RANBP2: variants seen among roughly 807,000 people sequenced by gnomAD.
RANBP2 encodes E3 SUMO-protein ligase RanBP2.
RANBP2 carries 57 observed loss-of-function variants against 303.6 expected under a neutral mutation model. The ratio of observed to expected loss-of-function variants is 0.19; its 90% confidence interval spans 0.15 to 0.23. The LOEUF (loss-of-function observed/expected upper bound fraction) is 0.23, where lower values mean the gene tolerates loss of function less well. Among genes scored for constraint, RANBP2 ranks in the 10% least tolerant of loss-of-function variants. The probability of loss-of-function intolerance (pLI) is 1.00; values close to 1 mark genes in which losing one functional copy is unlikely to be tolerated. For missense variants in RANBP2, 3,138 were observed against 3,780.8 expected, an observed-to-expected ratio of 0.83 and a Z score of 4.46; for synonymous variants, 1,167 against 1,301.5, an observed-to-expected ratio of 0.90 and a Z score of 2.23.
At chr2:109,398,872 A>AGCTCC in the RANBP2 span, 2 of 1,613,830 alleles carry the variant, frequency 1.2e-6, no homozygotes, top group Non-Finnish European at 1.7e-6. Context: ...AGTGTTGATC[A>AGCTCC]GCTCCAGCGA....
the RANBP2 span, among the ~76,000 whole-genome samples, chr2:109,591,537 G>T: frequency 6.6e-6 from 1 of 152,166 alleles, no homozygotes; most frequent in African/African-American, 2.4e-5. Context: ...TTGATATATG[G>T]AGAAAGAGGG....
the RANBP2 span, among the ~76,000 whole-genome samples, chr2:109,497,354 C>G: frequency 1.3e-5 from 2 of 152,210 alleles, no homozygotes; most frequent in African/African-American, 4.8e-5. Flanking sequence ...ACTTTGCAGA[C>G]TCTGTTGTCA....
chr2:109,312,031 T>G, the RANBP2 span, among the ~76,000 whole-genome samples: 1 of 151,982 alleles, frequency 6.6e-6, no homozygotes, highest in African/African-American at 2.4e-5. Flanking sequence ...ACTTGAGCGT[T>G]GTGGCCGGTG....
At chr2:109,417,352 C>G in the RANBP2 span, among the ~76,000 whole-genome samples, 1 of 152,168 alleles carries the variant, frequency 6.6e-6, no homozygotes, top group East Asian at 1.9e-4. Flanking sequence ...GGAAAGTGAT[C>G]CTGGCATTGT....
chr2:109,214,082 G>A, the RANBP2 span, among the ~76,000 whole-genome samples: 2 of 152,188 alleles, frequency 1.3e-5, no homozygotes, highest in African/African-American at 4.8e-5. Flanking sequence ...ACTGGACGGC[G>A]AGGAGGAAGG....
At chr2:108,815,181 A>G in the RANBP2 span, among the ~76,000 whole-genome samples, 2 of 152,114 alleles carry the variant, frequency 1.3e-5, no homozygotes, top group Non-Finnish European at 2.9e-5. Context: ...CAAAGTAACA[A>G]TTTTTGTGAG....
the RANBP2 span, among the ~76,000 whole-genome samples, chr2:109,084,823 A>G: frequency 6.6e-6 from 1 of 152,210 alleles, no homozygotes; most frequent in African/African-American, 2.4e-5. Flanking sequence ...TTTTCCATCA[A>G]GGAGCATGAA....
At chr2:108,800,845 T>A in the RANBP2 span, among the ~76,000 whole-genome samples, 1 of 124,668 alleles carries the variant, frequency 8.0e-6, no homozygotes, top group South Asian at 3.0e-4. Context: ...ATCTCATTGT[T>A]CAATTCCCAC....
the RANBP2 span, among the ~76,000 whole-genome samples, chr2:108,849,504 C>T: frequency 6.6e-6 from 1 of 152,050 alleles, no homozygotes; most frequent in Non-Finnish European, 1.5e-5. Flanking sequence ...TTTTCAGTGG[C>T]TTCATCACCT....
chr2:109,641,282 G>A, the RANBP2 span, among the ~76,000 whole-genome samples: 1 of 152,096 alleles, frequency 6.6e-6, no homozygotes, highest in African/African-American at 2.4e-5. Context: ...GGGATTACAG[G>A]AATACACCAG....
At chr2:108,760,894 A>T (rs2149263214) in intron 18 of RANBP2, among the ~76,000 whole-genome samples, 2 of 152,254 alleles carry the variant, frequency 1.3e-5, no homozygotes, top group South Asian at 4.1e-4. Context: ...TTCTCATAAT[A>T]GCTTCAGTTT....
At chr2:109,690,243 A>G in the RANBP2 span, among the ~76,000 whole-genome samples, 1 of 152,232 alleles carries the variant, frequency 6.6e-6, no homozygotes, top group Non-Finnish European at 1.5e-5. Context: ...GAGACGGGAG[A>G]CATCAATTAA....
the RANBP2 span, among the ~76,000 whole-genome samples, chr2:109,363,704 T>A: frequency 6.6e-6 from 1 of 152,210 alleles, no homozygotes; most frequent in Non-Finnish European, 1.5e-5. Flanking sequence ...TTATTCATGC[T>A]TCACTTTTGA....
At chr2:109,611,008 C>T in the RANBP2 span, among the ~76,000 whole-genome samples, 1 of 152,104 alleles carries the variant, frequency 6.6e-6, no homozygotes, top group African/African-American at 2.4e-5. Context: ...AACGGAGAAC[C>T]CAGAAACAGA....
the RANBP2 span, among the ~76,000 whole-genome samples, chr2:109,088,100 TA>T: frequency 1.3e-5 from 2 of 152,024 alleles, no homozygotes; most frequent in African/African-American, 2.4e-5. Flanking sequence ...TCGTCTCTAC[TA>T]AAAATACAAA....
chr2:108,860,274 A>T, the RANBP2 span, among the ~76,000 whole-genome samples: 1 of 152,100 alleles, frequency 6.6e-6, no homozygotes, highest in African/African-American at 2.4e-5. Flanking sequence ...TAGGTATAGA[A>T]TCCTATTGTC....
chr2:109,297,510 C>A, the RANBP2 span, among the ~76,000 whole-genome samples: 1 of 151,958 alleles, frequency 6.6e-6, no homozygotes, highest in African/African-American at 2.4e-5. Flanking sequence ...GTGCCTCCGA[C>A]CCAAGTCAGT....
At chr2:109,552,335 C>A in the RANBP2 span, among the ~76,000 whole-genome samples, 1 of 152,180 alleles carries the variant, frequency 6.6e-6, no homozygotes, top group Non-Finnish European at 1.5e-5. Context: ...ACAGCCTTCA[C>A]AGATATCCAT....
chr2:109,211,423 G>T, the RANBP2 span, among the ~76,000 whole-genome samples: 1 of 152,228 alleles, frequency 6.6e-6, no homozygotes, highest in South Asian at 2.1e-4. Flanking sequence ...GCCCTGGCGA[G>T]GTAAGAAGCA....
Sources: allele counts gnomAD v4.1 joint callset (sites outside exome capture counted in the v4.1 genomes callset), GRCh38; gene constraint gnomAD v4.1.1; transcripts MANE v1.5; gene names NCBI Gene and HGNC (gene_info 2026-07-23, HGNC 2026-07-21).